The following PHLPP1 variants were observed in gnomAD, a reference collection of about 807,000 sequenced individuals.
The protein encoded by PHLPP1 is PH domain and leucine rich repeat protein phosphatase 1.
PHLPP1 carries 42 observed loss-of-function variants against 117.2 expected under a neutral mutation model. The observed-to-expected ratio is 0.36, with a 90% CI of 0.28 to 0.46. The LOEUF (loss-of-function observed/expected upper bound fraction) is 0.46, where lower values mean the gene tolerates loss of function less well. PHLPP1 is among the 20% of genes least tolerant of loss of function. The probability of loss-of-function intolerance (pLI) is 1.00; values close to 1 mark genes in which losing one functional copy is unlikely to be tolerated. For synonymous variants in PHLPP1, 1,042 were observed against 970.7 expected (o/e 1.07, Z -1.37); for missense variants, 2,084 against 2,241.9 (o/e 0.93, Z 1.42).
In PHLPP1 at chr18:62,858,443, A is replaced by G. The variant is rs1915552870; in HGVS notation, c.1900-1992A>G. 1.3e-5 allele frequency among the ~76,000 whole-genome samples: 2 copies of G among 152,006 alleles called. 1 individual carries two copies. The highest frequency in any genetic ancestry group is 4.1e-4 in the South Asian group (2 of 4,826). On this transcript the variant is annotated intron_variant, in intron 3 of 16. Coordinates refer to ENST00000262719, the MANE Select transcript of PHLPP1 (RefSeq NM_194449.4). ...ACGCCCAGCTAATTTTTGTATTTTT[A>G]GTAGAGTCGGGGTTTCACCATATTG...
chr18:62,932,289 T>G (rs1295236965), intron 10 of PHLPP1, among the ~76,000 whole-genome samples: 1 of 147,900 alleles, frequency 6.8e-6, no homozygotes, highest in Non-Finnish European at 1.5e-5. Context: ...AGTATCATCC[T>G]GATACCAAAA....
At chr18:62,917,704 T>G (rs563900857) in intron 9 of PHLPP1, among the ~76,000 whole-genome samples, 3 of 151,960 alleles carry the variant, frequency 2.0e-5, no homozygotes, top group African/African-American at 7.2e-5. Flanking sequence ...TCCCAGCTAC[T>G]TGGAAGGCTT....
chr18:62,788,449 A>G (rs188974423), intron 1 of PHLPP1, among the ~76,000 whole-genome samples: 3 of 152,184 alleles, frequency 2.0e-5, no homozygotes, highest in Non-Finnish European at 4.4e-5. Context: ...ATATTGGAAT[A>G]GTGTCTTCTG....
chr18:62,879,505 G>A (rs982088695), intron 4 of PHLPP1, among the ~76,000 whole-genome samples: 1 of 151,828 alleles, frequency 6.6e-6, no homozygotes, highest in African/African-American at 2.4e-5. Flanking sequence ...TCCGCCTCCT[G>A]GGTTCAAGCG....
rs182240301 is a variant in PHLPP1, at chr18:62,741,584, C to T, written c.1576+24325C>T. Among the ~76,000 whole-genome samples, 277 of 152,192 alleles carry T rather than the reference C, an allele frequency of 1.8e-3. 1 individual carries two copies. The highest frequency in any genetic ancestry group is 6.5e-3 in the African/African-American group (270 of 41,514). ...CAAATACTTCTTGAACTTTGTGCCT[C>T]TTGTGTGCCACTCTTTAACAAGAAG... On this transcript the variant is annotated intron_variant, in intron 1 of 16. Transcript: ENST00000262719.
At chr18:62,737,037 C>T (rs912618233) in intron 1 of PHLPP1, among the ~76,000 whole-genome samples, 6 of 152,146 alleles carry the variant, frequency 3.9e-5, no homozygotes, top group South Asian at 4.1e-4. Context: ...TGGGAGGTGA[C>T]GTTTACATAA....
chr18:62,823,625 T>A (rs868042027), intron 1 of PHLPP1, among the ~76,000 whole-genome samples: 2 of 110,654 alleles, frequency 1.8e-5, no homozygotes, highest in African/African-American at 4.9e-5. Flanking sequence ...TATCTACATA[T>A]ATATGTAGAT....
intron 1 of PHLPP1, among the ~76,000 whole-genome samples, chr18:62,822,190 A>C (rs1020986471): frequency 2.6e-5 from 4 of 152,180 alleles, no homozygotes; most frequent in Non-Finnish European, 5.9e-5. Flanking sequence ...TGATTTAGAA[A>C]AAAAAGATAA....
intron 2 of PHLPP1, among the ~76,000 whole-genome samples, chr18:62,837,388 T>C (rs1327531124): frequency 6.6e-6 from 1 of 152,222 alleles, no homozygotes; most frequent in African/African-American, 2.4e-5. Flanking sequence ...TAATATTCTC[T>C]TCTTAATCTC....
At chr18:62,787,379 G>A (rs544609585) in intron 1 of PHLPP1, among the ~76,000 whole-genome samples, 4 of 152,222 alleles carry the variant, frequency 2.6e-5, no homozygotes, top group Admixed American at 6.5e-5. Context: ...TGTTAGCCAG[G>A]CTGGTCTCGA....
chr18:62,832,786 TGA>T (rs1000063317), intron 2 of PHLPP1, among the ~76,000 whole-genome samples: 24 of 152,016 alleles, frequency 1.6e-4, no homozygotes, highest in Admixed American at 2.6e-4. Context: ...AAGAAAAAAC[TGA>T]GAGTATGAAT....
intron 14 of PHLPP1, among the ~76,000 whole-genome samples, chr18:62,965,109 C>T (rs1254230788): frequency 6.6e-6 from 1 of 152,178 alleles, no homozygotes; most frequent in Non-Finnish European, 1.5e-5. Context: ...TGGACAGCAT[C>T]CCAGTAGTCC....
intron 11 of PHLPP1, among the ~76,000 whole-genome samples, chr18:62,942,693 G>C (rs1568169156): frequency 6.6e-6 from 1 of 152,064 alleles, no homozygotes; most frequent in Admixed American, 6.5e-5. Context: ...CATCTAACAA[G>C]TTAGGGCTTG....
intron 1 of PHLPP1, among the ~76,000 whole-genome samples, chr18:62,827,072 T>C (rs181054103): frequency 1.8e-3 from 275 of 152,340 alleles, no homozygotes; most frequent in African/African-American, 6.4e-3. Context: ...TGTAATTTTC[T>C]ACAAGTGGTC....
intron 1 of PHLPP1, among the ~76,000 whole-genome samples, chr18:62,781,151 A>C (rs933414790): frequency 6.6e-6 from 1 of 152,196 alleles, no homozygotes; most frequent in African/African-American, 2.4e-5. Flanking sequence ...TTAATTTAAA[A>C]ATTGTTGAAA....
At chr18:62,966,753 G>A (rs897726251) in intron 14 of PHLPP1, among the ~76,000 whole-genome samples, 1 of 152,206 alleles carries the variant, frequency 6.6e-6, no homozygotes, top group Non-Finnish European at 1.5e-5. Flanking sequence ...ACAGGCGTGA[G>A]CTGCCGTGCC....
chr18:62,864,009 G>GTTTATTTA (rs3085144), intron 4 of PHLPP1, among the ~76,000 whole-genome samples: 2 of 150,744 alleles, frequency 1.3e-5, no homozygotes, highest in African/African-American at 2.4e-5. Context: ...AAATTTATTT[G>GTTTATTTA]TTTATTTATT....
intron 1 of PHLPP1, among the ~76,000 whole-genome samples, chr18:62,761,475 A>C (rs1023578526): frequency 3.3e-5 from 5 of 151,860 alleles, no homozygotes; most frequent in African/African-American, 4.8e-5. Context: ...TACTAAAAAT[A>C]CAAAAAAATT....
intron 4 of PHLPP1, among the ~76,000 whole-genome samples, chr18:62,891,457 C>T (rs189064811): frequency 2.0e-3 from 307 of 152,014 alleles, no homozygotes; most frequent in African/African-American, 7.1e-3. Flanking sequence ...ATGTGGTTCT[C>T]GGCACCTGTA....
Sources: gnomAD v4.1 joint callset for allele counts (sites outside exome capture counted in the v4.1 genomes callset) on GRCh38, gnomAD v4.1.1 for gene constraint, MANE v1.5 for transcripts, NCBI Gene and HGNC (gene_info 2026-07-23, HGNC 2026-07-21) for gene names.